PABPC4L: variants seen among roughly 807,000 people sequenced by gnomAD.
PABPC4L encodes poly(A) binding protein cytoplasmic 4 like, also known as polyadenylate-binding protein 4-like.
For missense variants in PABPC4L, 452 were observed against 451.4 expected (o/e 1.00, Z -0.01); for synonymous variants, 169 against 164.1 (o/e 1.03, Z -0.23).
At chr4:133,964,429 C>G in the PABPC4L span, among the ~76,000 whole-genome samples, 1 of 151,924 alleles carries the variant, frequency 6.6e-6, no homozygotes, top group East Asian at 1.9e-4. Flanking sequence ...CACTATTCCA[C>G]AAGATAGTAT....
the PABPC4L span, among the ~76,000 whole-genome samples, chr4:134,138,928 C>G: frequency 6.6e-6 from 1 of 151,730 alleles, no homozygotes; most frequent in African/African-American, 2.4e-5. Context: ...TTCAAACTGA[C>G]TAATATCAGC....
the PABPC4L span, among the ~76,000 whole-genome samples, chr4:133,962,987 C>T: frequency 6.6e-6 from 1 of 152,106 alleles, no homozygotes; most frequent in Non-Finnish European, 1.5e-5. Context: ...TGGTACCACA[C>T]ATCTCAATAA....
the PABPC4L span, among the ~76,000 whole-genome samples, chr4:134,130,987 A>G: frequency 6.6e-6 from 1 of 152,278 alleles, no homozygotes; most frequent in Non-Finnish European, 1.5e-5. Flanking sequence ...CACAAAATAC[A>G]TCATCCCTTT....
chr4:134,002,532 T>A, the PABPC4L span, among the ~76,000 whole-genome samples: 1 of 151,928 alleles, frequency 6.6e-6, no homozygotes, highest in Admixed American at 6.6e-5. Context: ...AGAGAAACTT[T>A]TTTTATTGTT....
chr4:134,185,380 A>C, the PABPC4L span, among the ~76,000 whole-genome samples: 3 of 152,116 alleles, frequency 2.0e-5, no homozygotes, highest in African/African-American at 7.2e-5. Context: ...AGGCTGGTTC[A>C]ACATAGGGAA....
the PABPC4L span, among the ~76,000 whole-genome samples, chr4:134,058,503 C>G: frequency 6.6e-6 from 1 of 152,126 alleles, no homozygotes; most frequent in South Asian, 2.1e-4. Flanking sequence ...CATGCACACA[C>G]ACACACGAGT....
chr4:134,047,970 G>A, the PABPC4L span, among the ~76,000 whole-genome samples: 1 of 152,106 alleles, frequency 6.6e-6, no homozygotes, highest in Admixed American at 6.6e-5. Context: ...TGACGGCAAA[G>A]ATGGCTGAAC....
the PABPC4L span, among the ~76,000 whole-genome samples, chr4:133,948,978 G>A: frequency 6.6e-6 from 1 of 152,176 alleles, no homozygotes; most frequent in East Asian, 1.9e-4. Context: ...TGAATAGCCT[G>A]AGAGCTAACC....
In PABPC4L at chr4:134,201,071, C is replaced by T. The variant is rs1578886592; in HGVS notation, c.-52G>A. ...GTCCCCTGGAGTTCTTTGAGCAATC[C>T]CTGTGGGGGGATACTAGGTCACAGC... On this transcript the variant is annotated 5_prime_UTR_variant, in exon 2 of 2. Coordinates refer to ENST00000421491, the MANE Select transcript of PABPC4L (RefSeq NM_001114734.2). 3.2e-6 allele frequency: 5 copies of T among 1,551,324 alleles called. No individual in the cohort carries two copies. The East Asian group carries it at 1.2e-4, about 38-fold the overall frequency.
chr4:134,072,845 G>A, the PABPC4L span, among the ~76,000 whole-genome samples: 1 of 152,012 alleles, frequency 6.6e-6, no homozygotes, highest in Non-Finnish European at 1.5e-5. Flanking sequence ...AGGGGGAAAT[G>A]GGCTCTTATA....
At chr4:134,196,074 T>C (rs1312346921), downstream of PABPC4L, among the ~76,000 whole-genome samples, 5 of 151,534 alleles carry the variant, frequency 3.3e-5, no homozygotes. Flanking sequence ...TAGTTGAATT[T>C]AACAATAAAT....
At chr4:134,018,943 T>G in the PABPC4L span, among the ~76,000 whole-genome samples, 1 of 152,156 alleles carries the variant, frequency 6.6e-6, no homozygotes, top group South Asian at 2.1e-4. Context: ...TATAAAATGC[T>G]TGACTCACTC....
the PABPC4L span, among the ~76,000 whole-genome samples, chr4:133,982,536 A>C: frequency 1.3e-5 from 2 of 152,002 alleles, no homozygotes; most frequent in Non-Finnish European, 2.9e-5. Flanking sequence ...ATAATTATCA[A>C]ATTCCTTATA....
chr4:134,187,259 C>T, the PABPC4L span, among the ~76,000 whole-genome samples: 1 of 151,922 alleles, frequency 6.6e-6, no homozygotes, highest in African/African-American at 2.4e-5. Context: ...GTTATTGTGG[C>T]ACTATTCACA....
At chr4:134,036,881 C>T in the PABPC4L span, among the ~76,000 whole-genome samples, 1 of 151,812 alleles carries the variant, frequency 6.6e-6, no homozygotes, top group African/African-American at 2.4e-5. Flanking sequence ...CATGGTGAAA[C>T]ATTGTTTCTA....
the PABPC4L span, among the ~76,000 whole-genome samples, chr4:134,132,437 A>G: frequency 6.6e-6 from 1 of 152,080 alleles, no homozygotes; most frequent in East Asian, 1.9e-4. Flanking sequence ...GAAGATGAAC[A>G]AATGGCAAAT....
the PABPC4L span, among the ~76,000 whole-genome samples, chr4:133,987,194 T>C: frequency 1.3e-5 from 2 of 152,206 alleles, no homozygotes; most frequent in Admixed American, 6.5e-5. Flanking sequence ...ATACTGCTCA[T>C]ATCACATTGT....
chr4:134,189,778 T>C, the PABPC4L span, among the ~76,000 whole-genome samples: 17 of 152,126 alleles, frequency 1.1e-4, no homozygotes, highest in Non-Finnish European at 2.4e-4. Context: ...TTTTCATTTT[T>C]CAAACCCTTC....
At chr4:134,098,997 G>A in the PABPC4L span, among the ~76,000 whole-genome samples, 11 of 151,696 alleles carry the variant, frequency 7.3e-5, no homozygotes, top group African/African-American at 2.7e-4. Context: ...CCTGATTCAA[G>A]TGGAGTTTAG....
Sources: gnomAD v4.1 joint callset for allele counts (sites outside exome capture counted in the v4.1 genomes callset) on GRCh38, gnomAD v4.1.1 for gene constraint, MANE v1.5 for transcripts, NCBI Gene and HGNC (gene_info 2026-07-23, HGNC 2026-07-21) for gene names.